The following CLIC5 variants were observed in gnomAD, a reference collection of about 807,000 sequenced individuals.
The protein encoded by CLIC5 is chloride intracellular channel protein 5.
A neutral mutation model predicts 24.7 loss-of-function variants in CLIC5; 20 were observed. The ratio of observed to expected loss-of-function variants is 0.81; its 90% CI spans 0.57 to 1.18. The LOEUF is 1.18. Ranked by LOEUF, CLIC5 falls within the 50% of genes most tolerant of loss-of-function variation. The probability of loss-of-function intolerance (pLI) is 0.00; values close to 1 mark genes in which losing one functional copy is unlikely to be tolerated. For missense variants in CLIC5, 341 were observed against 326.1 expected (o/e 1.05, Z -0.35); for synonymous variants, 159 against 135.6 (o/e 1.17, Z -1.20).
At chr6:45,958,952 A>G (rs1219601476) in intron 1 of CLIC5, among the ~76,000 whole-genome samples, 1 of 124,054 alleles carries the variant, frequency 8.1e-6, no homozygotes, top group Non-Finnish European at 1.7e-5. Context: ...ATCCTAAAAT[A>G]CATGCATACA....
At chr6:46,095,279 C>A in the CLIC5 span, among the ~76,000 whole-genome samples, 1 of 152,198 alleles carries the variant, frequency 6.6e-6, no homozygotes, top group Non-Finnish European at 1.5e-5. Flanking sequence ...TAGCACTTGG[C>A]TCCTCTTATG....
chr6:46,028,245 A>G (rs890256796), intron 1 of CLIC5, among the ~76,000 whole-genome samples: 1 of 152,232 alleles, frequency 6.6e-6, no homozygotes, highest in Non-Finnish European at 1.5e-5. Context: ...TGAGTTCACC[A>G]GTCAACACCA....
chr6:46,075,148 C>T (rs1185105039), intron 1 of CLIC5, among the ~76,000 whole-genome samples: 1 of 152,132 alleles, frequency 6.6e-6, no homozygotes, highest in African/African-American at 2.4e-5. Context: ...TTTATAATAA[C>T]CCTATGAGGA....
intron 1 of CLIC5, among the ~76,000 whole-genome samples, chr6:46,007,432 G>C (rs1562000199): frequency 6.6e-6 from 1 of 152,098 alleles, no homozygotes; most frequent in Non-Finnish European, 1.5e-5. Context: ...TACACTATTT[G>C]CACAGGCTTC....
At chr6:46,093,939 C>T in the CLIC5 span, among the ~76,000 whole-genome samples, 1 of 152,228 alleles carries the variant, frequency 6.6e-6, no homozygotes, top group Non-Finnish European at 1.5e-5. Context: ...CACAGTTCTG[C>T]AGGCTGTATG....
intron 1 of CLIC5, among the ~76,000 whole-genome samples, chr6:46,052,602 A>C (rs986654865): frequency 2.6e-5 from 4 of 152,102 alleles, no homozygotes; most frequent in Admixed American, 6.5e-5. Context: ...GTCAGCTTGG[A>C]GTTGGCCCAT....
chr6:46,067,591 G>A (rs1762476990), intron 1 of CLIC5, among the ~76,000 whole-genome samples: 1 of 152,192 alleles, frequency 6.6e-6, no homozygotes. Context: ...GCTCCTTGCA[G>A]TGTCTAACCC....
intron 1 of CLIC5, among the ~76,000 whole-genome samples, chr6:45,996,507 T>A (rs1214703001): frequency 1.3e-5 from 2 of 152,346 alleles, no homozygotes; most frequent in East Asian, 3.9e-4. Context: ...TTAATCCATC[T>A]TGAATTGATT....
intron 2 of CLIC5, among the ~76,000 whole-genome samples, chr6:45,951,196 C>T (rs527967949): frequency 6.6e-6 from 1 of 152,212 alleles, no homozygotes; most frequent in South Asian, 2.1e-4. Flanking sequence ...CTGGGTCAGA[C>T]ACTTAAAGAA....
rs1027557538 is a variant in CLIC5, at chr6:45,901,821, G to A, written c.*1267C>T. The A allele has an allele frequency of 6.6e-6, 1 of 152,260 alleles. No individual in the cohort carries two copies. Among genetic ancestry groups the A allele is most frequent in the African/African-American group, 2.4e-5 (1 of 41,300 alleles). 9.4% of individuals were successfully genotyped at this position (152,260 alleles called of 1,614,324 possible). On this transcript the variant is annotated 3_prime_UTR_variant, in exon 6 of 6. Coordinates refer to ENST00000339561, the MANE Select transcript of CLIC5 (RefSeq NM_016929.5). ...GATTGTAGGAAAATTAACCCAGATG[G>A]GTCTACATTTTTCTTCAAGTTCAAA...
chr6:45,968,687 A>T (rs950991212), intron 1 of CLIC5, among the ~76,000 whole-genome samples: 93 of 152,300 alleles, frequency 6.1e-4, no homozygotes, highest in African/African-American at 2.1e-3. Context: ...TTTTTAATTA[A>T]TTGGAGGCGG....
intron 1 of CLIC5, among the ~76,000 whole-genome samples, chr6:46,065,757 T>C (rs1762423792): frequency 6.6e-6 from 1 of 152,124 alleles, no homozygotes; most frequent in South Asian, 2.1e-4. Flanking sequence ...AGGAGGTGTC[T>C]GGGAAGGGAC....
chr6:45,922,924 G>C (rs1477831437), intron 4 of CLIC5, among the ~76,000 whole-genome samples: 1 of 151,886 alleles, frequency 6.6e-6, no homozygotes, highest in Non-Finnish European at 1.5e-5. Context: ...AGAAGTTCTG[G>C]TTAGGGAACC....
At chr6:46,094,572 C>G in the CLIC5 span, among the ~76,000 whole-genome samples, 1 of 152,194 alleles carries the variant, frequency 6.6e-6, no homozygotes, top group African/African-American at 2.4e-5. Flanking sequence ...AATCTTAAAG[C>G]TCCAAAATAA....
At chr6:45,896,581 T>C (rs1762395554), downstream of CLIC5, among the ~76,000 whole-genome samples, 1 of 152,226 alleles carries the variant, frequency 6.6e-6, no homozygotes, top group African/African-American at 2.4e-5. Context: ...CTGGGTAGGT[T>C]AGCTACTAGA....
chr6:45,976,282 C>T (rs1204169026), intron 1 of CLIC5, among the ~76,000 whole-genome samples: 5 of 152,174 alleles, frequency 3.3e-5, no homozygotes, highest in Admixed American at 2.6e-4. Flanking sequence ...CTGGGTGGGA[C>T]ATCGGAAAAG....
chr6:45,911,956 C>G (rs1762836355), intron 5 of CLIC5: 1 of 985,436 alleles, frequency 1.0e-6, no homozygotes, highest in African/African-American at 1.7e-5. Flanking sequence ...AGAGCCTGGG[C>G]CAGAGCAACT....
chr6:45,910,706 G>C (rs940391696), intron 5 of CLIC5, among the ~76,000 whole-genome samples: 1 of 152,116 alleles, frequency 6.6e-6, no homozygotes, highest in Non-Finnish European at 1.5e-5. Context: ...ACTGTTGCTT[G>C]TCTCCAAACC....
intron 4 of CLIC5, among the ~76,000 whole-genome samples, chr6:45,925,209 T>C (rs1328606812): frequency 6.6e-6 from 1 of 152,142 alleles, no homozygotes; most frequent in Non-Finnish European, 1.5e-5. Context: ...GCTAATAAAA[T>C]ACATGTTTGC....
Sources: gnomAD v4.1 joint callset for allele counts (sites outside exome capture counted in the v4.1 genomes callset) on GRCh38, gnomAD v4.1.1 for gene constraint, MANE v1.5 for transcripts, NCBI Gene and HGNC (gene_info 2026-07-23, HGNC 2026-07-21) for gene names.